TENM3: variants seen among roughly 807,000 people sequenced by gnomAD.
The protein encoded by TENM3 is teneurin transmembrane protein 3.
In TENM3, 63 loss-of-function variants were observed where a neutral mutation model predicts 255.1. The ratio of observed to expected loss-of-function variants is 0.25; its 90% CI spans 0.20 to 0.30. The LOEUF (loss-of-function observed/expected upper bound fraction) is 0.30, where lower values mean the gene tolerates loss of function less well. Ranked by LOEUF, TENM3 falls within the 10% of genes least tolerant of loss-of-function variation. TENM3 has a pLI of 1.00. For missense variants in TENM3, 2,929 were observed against 3,461.1 expected, an observed-to-expected ratio of 0.85 and a Z score of 3.86; for synonymous variants, 1,306 against 1,322.3, an observed-to-expected ratio of 0.99 and a Z score of 0.27.
Position 182,774,870 on chromosome 4 carries a change from A to G in TENM3, c.5069-48A>G, listed in dbSNP as rs757414608. ...TATCTCACGGCACAACCGGCCAAGT[A>G]TTTAATCCATATCTAATAGTTCATG... On this transcript the variant is annotated intron_variant, in intron 23 of 27. Transcript: ENST00000511685. The G allele has an allele frequency of 1.1e-5, 15 of 1,395,058 alleles. No individual in the cohort carries two copies. The African/African-American group carries it at 2.0e-4, about 19-fold the overall frequency. 86.4% of individuals were successfully genotyped at this position (1,395,058 alleles called of 1,614,324 possible). A position where few individuals can be genotyped will look rare whatever the true frequency, so the allele number is the denominator to read the frequency against.
the TENM3 span, among the ~76,000 whole-genome samples, chr4:182,015,803 C>A: frequency 1.3e-5 from 2 of 152,064 alleles, no homozygotes; most frequent in Non-Finnish European, 2.9e-5. Flanking sequence ...TCGTGATCCA[C>A]CTGTCTCGGC....
At chr4:181,691,798 A>C in the TENM3 span, among the ~76,000 whole-genome samples, 1 of 152,190 alleles carries the variant, frequency 6.6e-6, no homozygotes, top group African/African-American at 2.4e-5. Flanking sequence ...TTTTGCCTCC[A>C]AACCAGTTCA....
intron 3 of TENM3, among the ~76,000 whole-genome samples, chr4:182,497,050 C>G (rs1446680750): frequency 6.6e-6 from 1 of 151,606 alleles, no homozygotes; most frequent in South Asian, 2.1e-4. Flanking sequence ...GGGAGCCATC[C>G]ACTTACAGCT....
chr4:182,147,702 G>A (rs1054050721), intron 1 of TENM3, among the ~76,000 whole-genome samples: 1 of 152,064 alleles, frequency 6.6e-6, no homozygotes, highest in Non-Finnish European at 1.5e-5. Flanking sequence ...TTGAGAATAT[G>A]AGCAAAGAAT....
At chr4:182,760,504 G>T (rs971021777) in intron 22 of TENM3, among the ~76,000 whole-genome samples, 1 of 152,112 alleles carries the variant, frequency 6.6e-6, no homozygotes, top group Non-Finnish European at 1.5e-5. Context: ...GAAAAACTAT[G>T]AATTCTGGCC....
intron 3 of TENM3, among the ~76,000 whole-genome samples, chr4:182,515,546 A>G (rs1737848136): frequency 6.6e-6 from 1 of 152,202 alleles, no homozygotes; most frequent in Non-Finnish European, 1.5e-5. Context: ...ATATATGAAT[A>G]CATAAATGTA....
chr4:182,198,764 T>A (rs1411945734), intron 1 of TENM3, among the ~76,000 whole-genome samples: 1 of 151,994 alleles, frequency 6.6e-6, no homozygotes, highest in Non-Finnish European at 1.5e-5. Flanking sequence ...GACCCGATGA[T>A]GAAGGACAGA....
the TENM3 span, among the ~76,000 whole-genome samples, chr4:181,466,110 A>AT: frequency 1.4e-3 from 27 of 19,108 alleles, no homozygotes; most frequent in African/African-American, 2.1e-3. Context: ...GTCTCCAGGA[A>AT]TTTTTTTTTT....
intron 3 of TENM3, among the ~76,000 whole-genome samples, chr4:182,463,654 G>A (rs1732289286): frequency 6.8e-6 from 1 of 146,920 alleles, no homozygotes; most frequent in Admixed American, 6.8e-5. Flanking sequence ...ACAGAGTTTT[G>A]CTCTTGCTGC....
chr4:182,289,490 T>C (rs112422515), intron 1 of TENM3, among the ~76,000 whole-genome samples: 3,102 of 152,320 alleles, frequency 0.02, 112 homozygotes, highest in African/African-American at 0.07. Flanking sequence ...GCAGTTGTCC[T>C]GTACACATGC....
At chr4:181,986,232 C>T in the TENM3 span, among the ~76,000 whole-genome samples, 1 of 152,044 alleles carries the variant, frequency 6.6e-6, no homozygotes, top group Non-Finnish European at 1.5e-5. Flanking sequence ...TCTTCTTCTG[C>T]ACAAATACTC....
At chr4:181,544,361 G>T in the TENM3 span, among the ~76,000 whole-genome samples, 1 of 133,202 alleles carries the variant, frequency 7.5e-6, no homozygotes, top group Non-Finnish European at 1.5e-5. Flanking sequence ...TTTAAAATAC[G>T]GTCTTTTGCA....
At chr4:181,471,408 C>T in the TENM3 span, among the ~76,000 whole-genome samples, 1 of 152,140 alleles carries the variant, frequency 6.6e-6, no homozygotes, top group African/African-American at 2.4e-5. Flanking sequence ...TTGCAGCAGT[C>T]TATAAGAAGA....
intron 2 of TENM3, among the ~76,000 whole-genome samples, chr4:182,345,235 G>T (rs1235858428): frequency 6.6e-6 from 1 of 152,148 alleles, no homozygotes; most frequent in African/African-American, 2.4e-5. Flanking sequence ...ATGTGTGGCA[G>T]CCTGGAGGGT....
intron 3 of TENM3, among the ~76,000 whole-genome samples, chr4:182,544,566 G>A (rs534288922): frequency 6.6e-6 from 1 of 151,934 alleles, no homozygotes; most frequent in Non-Finnish European, 1.5e-5. Flanking sequence ...CCTGACCTCA[G>A]GTGAGGATTA....
chr4:182,053,089 G>A, the TENM3 span, among the ~76,000 whole-genome samples: 15 of 152,204 alleles, frequency 9.9e-5, no homozygotes, highest in African/African-American at 3.1e-4. Context: ...GACTAGCTGG[G>A]ACTACAAGTG....
At chr4:182,360,925 A>C (rs1477851201) in intron 3 of TENM3, among the ~76,000 whole-genome samples, 1 of 152,170 alleles carries the variant, frequency 6.6e-6, no homozygotes, top group African/African-American at 2.4e-5. Context: ...TGGTGGTGAC[A>C]AAATCTCTTA....
chr4:182,158,707 T>C (rs1178679469), intron 1 of TENM3, among the ~76,000 whole-genome samples: 2 of 152,094 alleles, frequency 1.3e-5, no homozygotes, highest in African/African-American at 4.8e-5. Flanking sequence ...TATCTCTCCA[T>C]CTCTGCCTCC....
chr4:182,241,759 G>A (rs866014601), upstream of TENM3, among the ~76,000 whole-genome samples: 16 of 151,786 alleles, frequency 1.1e-4, no homozygotes, highest in East Asian at 1.6e-3. Context: ...CACCTGCCTC[G>A]GCCTCCCAAA....
Sources: allele counts gnomAD v4.1 joint callset (sites outside exome capture counted in the v4.1 genomes callset), GRCh38; gene constraint gnomAD v4.1.1; transcripts MANE v1.5; gene names NCBI Gene and HGNC (gene_info 2026-07-23, HGNC 2026-07-21).